Variants in MRPS28 observed in about 807,000 individuals in gnomAD.
The protein encoded by MRPS28 is small ribosomal subunit protein bS1m.
Under a neutral mutation model 10.8 loss-of-function variants are expected in MRPS28, and 7 were observed. That is an observed-to-expected ratio of 0.65 (90% CI 0.37 to 1.22). The LOEUF is 1.22. MRPS28 is among the 50% of genes most tolerant of loss of function. The pLI is 0.02. For synonymous variants in MRPS28, 121 were observed against 93.3 expected, an observed-to-expected ratio of 1.30 and a Z score of -1.71; for missense variants, 265 against 232.9, an observed-to-expected ratio of 1.14 and a Z score of -0.90.
intron 1 of MRPS28, among the ~76,000 whole-genome samples, chr8:80,016,290 A>C (rs976768570): frequency 6.6e-6 from 1 of 152,116 alleles, no homozygotes; most frequent in African/African-American, 2.4e-5. Context: ...ATTCTAAAAG[A>C]AGCTTGGGGG....
At chr8:79,983,550 T>C (rs1474538732) in intron 2 of MRPS28, among the ~76,000 whole-genome samples, 1 of 152,098 alleles carries the variant, frequency 6.6e-6, no homozygotes, top group East Asian at 1.9e-4. Flanking sequence ...AATGTATAAC[T>C]AGAATAACCA....
chr8:79,986,622 A>G (rs1043969026), intron 2 of MRPS28, among the ~76,000 whole-genome samples: 3 of 152,118 alleles, frequency 2.0e-5, no homozygotes, highest in African/African-American at 7.2e-5. Flanking sequence ...GCATTCTTAT[A>G]CACCAATAAC....
At position 80,030,049 on chromosome 8, in the gene MRPS28, TC is replaced by T. The variant is rs764448647; in HGVS notation, c.199del (p.Glu67SerfsTer18). On this transcript the variant is annotated frameshift_variant, in exon 1 of 3. Coordinates refer to ENST00000276585, the MANE Select transcript of MRPS28 (RefSeq NM_014018.3). LOFTEE classifies it high-confidence loss of function. The part of the protein sequence containing the change: ...ERHSELLQKV[E>X]PLQKGSPKNV... The stretch of plus-strand genomic sequence containing the variant: ...CCCGGGCTCCACCTTCTGTAGGGGC[TC>T]CACCTTCTGTAGAAGCTCCGAGTGC... 5.0e-5 allele frequency: 80 copies of T among 1,613,312 alleles called. No homozygotes were observed. The highest frequency in any genetic ancestry group is 6.0e-5 in the Non-Finnish European group (71 of 1,179,750).
At chr8:79,952,258 A>G (rs1032458388) in intron 2 of MRPS28, among the ~76,000 whole-genome samples, 1 of 152,172 alleles carries the variant, frequency 6.6e-6, no homozygotes, top group Non-Finnish European at 1.5e-5. Context: ...TTTTGTTCAT[A>G]TCGATTGAGA....
intron 1 of MRPS28, among the ~76,000 whole-genome samples, chr8:80,006,633 C>T (rs1225877256): frequency 6.6e-6 from 1 of 152,170 alleles, no homozygotes. Flanking sequence ...TCAGAGAATA[C>T]TATAAACACC....
At chr8:79,940,454 C>T (rs925034829) in intron 2 of MRPS28, among the ~76,000 whole-genome samples, 2 of 152,168 alleles carry the variant, frequency 1.3e-5, no homozygotes, top group African/African-American at 4.8e-5. Context: ...GTTTCTCTTA[C>T]CAAATTTGTT....
At chr8:80,007,601 A>T (rs1808891693) in intron 1 of MRPS28, among the ~76,000 whole-genome samples, 1 of 152,176 alleles carries the variant, frequency 6.6e-6, no homozygotes, top group South Asian at 2.1e-4. Flanking sequence ...AATGTGCAAA[A>T]ATCACAAGCA....
chr8:80,005,021 A>G (rs6999161), intron 1 of MRPS28, among the ~76,000 whole-genome samples: 116,814 of 152,188 alleles, frequency 0.77, 45,366 homozygotes, highest in African/African-American at 0.88. Flanking sequence ...TGGTGTACCC[A>G]AAAGTGACGG....
At chr8:80,007,300 C>A (rs1808880012) in intron 1 of MRPS28, among the ~76,000 whole-genome samples, 1 of 152,116 alleles carries the variant, frequency 6.6e-6, no homozygotes, top group South Asian at 2.1e-4. Context: ...CTATGAAAAA[C>A]CCACAGCCGA....
intron 1 of MRPS28, among the ~76,000 whole-genome samples, chr8:80,022,277 T>C (rs916246830): frequency 2.6e-5 from 4 of 152,128 alleles, no homozygotes; most frequent in African/African-American, 9.7e-5. Flanking sequence ...CAAACACTCA[T>C]TACTTTTTAC....
chr8:80,026,121 T>C (rs1034903874), intron 1 of MRPS28, among the ~76,000 whole-genome samples: 11 of 152,212 alleles, frequency 7.2e-5, no homozygotes, highest in African/African-American at 2.4e-4. Context: ...CAATATTTTT[T>C]CAAAAACCCT....
rs574632626 is a variant in MRPS28 at position 79,986,228 on chromosome 8, C to A, written c.395+16771G>T. On this transcript the variant is annotated intron_variant, in intron 2 of 2. Coordinates refer to ENST00000276585, the MANE Select transcript of MRPS28 (RefSeq NM_014018.3). ...AAGGCCTTTGACAAAAATCAACAAC[C>A]CTTCATGCTAAAAACTCAATAAATT... Among the ~76,000 whole-genome samples, 483 of 152,222 alleles carry A rather than the reference C, an allele frequency of 3.2e-3. 1 individual carries two copies. The highest frequency in any genetic ancestry group is 0.011 in the African/African-American group (453 of 41,542).
At chr8:80,009,526 G>C (rs1376078515) in intron 1 of MRPS28, among the ~76,000 whole-genome samples, 1 of 151,950 alleles carries the variant, frequency 6.6e-6, no homozygotes, top group Non-Finnish European at 1.5e-5. Context: ...CGAGGAAGGA[G>C]AATCACTTGA....
intron 1 of MRPS28, among the ~76,000 whole-genome samples, chr8:80,004,001 G>T (rs1307173621): frequency 6.6e-6 from 1 of 152,198 alleles, no homozygotes; most frequent in Non-Finnish European, 1.5e-5. Context: ...GCTCCAACTG[G>T]GTGGAGCCCA....
At chr8:79,978,863 A>G (rs996814850) in intron 2 of MRPS28, among the ~76,000 whole-genome samples, 7 of 152,224 alleles carry the variant, frequency 4.6e-5, no homozygotes, top group African/African-American at 1.7e-4. Flanking sequence ...TCAGAATGGA[A>G]AGAGGCAAGA....
At chr8:80,019,835 A>G (rs1442933807) in intron 1 of MRPS28, among the ~76,000 whole-genome samples, 1 of 152,252 alleles carries the variant, frequency 6.6e-6, no homozygotes, top group African/African-American at 2.4e-5. Context: ...AAGTATTGGT[A>G]GTCATTAATG....
chr8:80,029,519 A>T (rs1809587807), intron 1 of MRPS28, among the ~76,000 whole-genome samples: 1 of 152,248 alleles, frequency 6.6e-6, no homozygotes, highest in African/African-American at 2.4e-5. Context: ...CATTTACAAA[A>T]GAGAGGTGAA....
intron 2 of MRPS28, among the ~76,000 whole-genome samples, chr8:79,952,229 T>C (rs1807097292): frequency 6.6e-6 from 1 of 152,188 alleles, no homozygotes; most frequent in Non-Finnish European, 1.5e-5. Context: ...GTTTCCTTGA[T>C]ACAGGTAGAG....
chr8:79,958,165 C>T, intron 2 of MRPS28: 1 of 492,396 alleles, frequency 2.0e-6, no homozygotes, highest in Non-Finnish European at 3.5e-6. Context: ...AATCTCTCCC[C>T]CTCCCCTATT....
Sources: gnomAD v4.1 joint callset for allele counts (sites outside exome capture counted in the v4.1 genomes callset) on GRCh38, gnomAD v4.1.1 for gene constraint, MANE v1.5 for transcripts, NCBI Gene and HGNC (gene_info 2026-07-23, HGNC 2026-07-21) for gene names.